Variants in CRPPA observed in about 807,000 individuals in gnomAD.
CRPPA encodes D-ribitol-5-phosphate cytidylyltransferase.
In CRPPA, 43 loss-of-function variants were observed where a neutral mutation model predicts 52.0. That is an observed-to-expected ratio of 0.83 (90% confidence interval 0.65 to 1.07). The LOEUF is 1.07. CRPPA is among the 50% of genes least tolerant of loss of function. The pLI is 0.00. For synonymous variants in CRPPA, 250 were observed against 203.5 expected (o/e 1.23, Z -1.94); for missense variants, 629 against 551.7 (o/e 1.14, Z -1.40).
At chr7:16,191,954 G>T (rs985484413) in intron 9 of CRPPA, among the ~76,000 whole-genome samples, 1 of 152,080 alleles carries the variant, frequency 6.6e-6, no homozygotes, top group African/African-American at 2.4e-5. Flanking sequence ...GTTCACTGGT[G>T]CAGTCCAAGC....
intron 9 of CRPPA, among the ~76,000 whole-genome samples, chr7:16,188,310 A>G (rs1408483635): frequency 6.6e-6 from 1 of 152,096 alleles, no homozygotes; most frequent in Non-Finnish European, 1.5e-5. Flanking sequence ...AACAACGAGA[A>G]CAAATGTATG....
chr7:16,115,599 A>G (rs1330249034), intron 9 of CRPPA, among the ~76,000 whole-genome samples: 4 of 152,182 alleles, frequency 2.6e-5, no homozygotes, highest in Admixed American at 6.5e-5. Flanking sequence ...GTTTCTAAAT[A>G]CCAATTTTTA....
chr7:16,120,975 T>G (rs1194788724), intron 9 of CRPPA, among the ~76,000 whole-genome samples: 1 of 152,052 alleles, frequency 6.6e-6, no homozygotes, highest in Non-Finnish European at 1.5e-5. Flanking sequence ...CAATATATAT[T>G]AAATCATCAC....
chr7:16,346,937 G>A (rs1265006568), intron 3 of CRPPA, among the ~76,000 whole-genome samples: 1 of 151,994 alleles, frequency 6.6e-6, no homozygotes, highest in Non-Finnish European at 1.5e-5. Context: ...GCAGCTATAA[G>A]CAAAGCCACC....
intron 3 of CRPPA, among the ~76,000 whole-genome samples, chr7:16,334,917 A>C (rs1415083081): frequency 6.6e-6 from 1 of 152,266 alleles, no homozygotes; most frequent in East Asian, 1.9e-4. Flanking sequence ...AATTATGAAA[A>C]ATCAGGGAAA....
Position 16,091,603 on chromosome 7 carries a change from G to A in CRPPA, c.*92C>T. ...TATAGAGAAGATATAAAAGACAACT[G>A]AAACATTCTACCACACACAGCAGCG... On this transcript the variant is annotated 3_prime_UTR_variant, in exon 10 of 10. Coordinates refer to ENST00000407010, the MANE Select transcript of CRPPA (RefSeq NM_001101426.4). The A allele has an allele frequency of 1.5e-6, 1 of 676,818 alleles. No individual in the cohort carries two copies. The highest frequency in any genetic ancestry group is 2.5e-6 in the Non-Finnish European group (1 of 396,368). 41.9% of individuals were successfully genotyped at this position (676,818 alleles called of 1,614,324 possible).
At chr7:16,289,828 C>T (rs1055594548) in intron 5 of CRPPA, among the ~76,000 whole-genome samples, 1 of 151,998 alleles carries the variant, frequency 6.6e-6, no homozygotes, top group Non-Finnish European at 1.5e-5. Flanking sequence ...CTAGCCAGAA[C>T]AATCAGGCAA....
intron 3 of CRPPA, among the ~76,000 whole-genome samples, chr7:16,317,631 G>A (rs1014864908): frequency 6.6e-6 from 1 of 152,120 alleles, no homozygotes; most frequent in Non-Finnish European, 1.5e-5. Flanking sequence ...GTGCACATGT[G>A]ATCACATTCT....
At chr7:16,386,673 G>C (rs183602953) in intron 2 of CRPPA, among the ~76,000 whole-genome samples, 2 of 152,066 alleles carry the variant, frequency 1.3e-5, no homozygotes, top group African/African-American at 4.8e-5. Flanking sequence ...GCACCAACAG[G>C]AACAAATTAA....
At chr7:16,236,948 G>GCA (rs144008834) in intron 8 of CRPPA, among the ~76,000 whole-genome samples, 45,382 of 140,564 alleles carry the variant, frequency 0.32, 7,453 homozygotes, top group Admixed American at 0.43. Context: ...TTTCGTGCGC[G>GCA]CGCACACACA....
chr7:16,134,093 G>A (rs1038045813), intron 9 of CRPPA, among the ~76,000 whole-genome samples: 1 of 123,408 alleles, frequency 8.1e-6, no homozygotes. Flanking sequence ...CACCACGCCC[G>A]GCTAATTTTT....
At chr7:16,148,603 T>C (rs1413503901) in intron 9 of CRPPA, among the ~76,000 whole-genome samples, 1 of 151,686 alleles carries the variant, frequency 6.6e-6, no homozygotes, top group African/African-American at 2.4e-5. Context: ...ATATAACAAG[T>C]AGAGAGTGGA....
intron 3 of CRPPA, among the ~76,000 whole-genome samples, chr7:16,343,730 G>A (rs1785932085): frequency 6.6e-6 from 1 of 152,070 alleles, no homozygotes; most frequent in Admixed American, 6.6e-5. Context: ...ACCTATTCCT[G>A]GAAAACTAGA....
At chr7:16,300,964 A>G in intron 5 of CRPPA, among the ~76,000 whole-genome samples, 1 of 152,312 alleles carries the variant, frequency 6.6e-6, no homozygotes, top group South Asian at 2.1e-4. Flanking sequence ...CATTGTCAGA[A>G]CCCAAAAGAA....
chr7:16,312,130 T>A (rs1418451658), intron 3 of CRPPA, among the ~76,000 whole-genome samples: 1 of 152,052 alleles, frequency 6.6e-6, no homozygotes, highest in Non-Finnish European at 1.5e-5. Flanking sequence ...AGATAAACTT[T>A]AGAATAAGTT....
At chr7:16,239,979 T>C (rs1217965868) in intron 8 of CRPPA, among the ~76,000 whole-genome samples, 2 of 152,096 alleles carry the variant, frequency 1.3e-5, no homozygotes, top group Non-Finnish European at 2.9e-5. Context: ...GAATGAATAC[T>C]AGCGAGGTAT....
chr7:16,231,233 C>A (rs1170682836), intron 8 of CRPPA, among the ~76,000 whole-genome samples: 1 of 152,136 alleles, frequency 6.6e-6, no homozygotes, highest in Non-Finnish European at 1.5e-5. Flanking sequence ...GTCTTCAATG[C>A]ATATTTTCTT....
intron 8 of CRPPA, among the ~76,000 whole-genome samples, chr7:16,219,973 G>A (rs1249974933): frequency 8.2e-5 from 12 of 145,698 alleles, no homozygotes; most frequent in East Asian, 4.0e-4. Flanking sequence ...TACCAAAGCC[G>A]GGCAGAGACA....
intron 8 of CRPPA, chr7:16,236,128 T>C (rs969867128): frequency 2.6e-5 from 4 of 152,096 alleles, no homozygotes; most frequent in Admixed American, 6.6e-5. Flanking sequence ...AAGCTCATAG[T>C]TGGATTTTTG....
Sources: allele counts gnomAD v4.1 joint callset (sites outside exome capture counted in the v4.1 genomes callset), GRCh38; gene constraint gnomAD v4.1.1; transcripts MANE v1.5; gene names NCBI Gene and HGNC (gene_info 2026-07-23, HGNC 2026-07-21).